NDUFB8: variants seen among roughly 807,000 people sequenced by gnomAD.
NDUFB8 encodes NADH dehydrogenase [ubiquinone] 1 beta subcomplex subunit 8, mitochondrial.
A neutral mutation model predicts 26.0 loss-of-function variants in NDUFB8; 17 were observed. That is an observed-to-expected ratio of 0.65 (90% CI 0.45 to 0.98). The LOEUF is 0.98. NDUFB8 is among the 50% of genes least tolerant of loss of function. The probability of loss-of-function intolerance (pLI) is 0.00; values close to 1 mark genes in which losing one functional copy is unlikely to be tolerated. For missense variants in NDUFB8, 238 were observed against 255.0 expected, an observed-to-expected ratio of 0.93 and a Z score of 0.45; for synonymous variants, 89 against 93.1, an observed-to-expected ratio of 0.96 and a Z score of 0.25.
chr10:100,527,223 T>G, intron 2 of NDUFB8, 149 bp from the exon 3 acceptor site: 1 of 644,196 alleles, frequency 1.6e-6, no homozygotes, highest in South Asian at 1.8e-5. Context: ...GAGCTCAAGT[T>G]CTAGTCACTA....
At position 100,524,275 on chromosome 10, in the gene NDUFB8, C is replaced by T; in HGVS notation, c.469-346G>A. 1.3e-6 allele frequency: 1 copy of T among 753,370 alleles called. No homozygotes were observed. The highest frequency in any genetic ancestry group is 1.7e-5 in the South Asian group (1 of 60,252). 46.7% of individuals were successfully genotyped at this position (753,370 alleles called of 1,614,324 possible). A position where few individuals can be genotyped will look rare whatever the true frequency, so the allele number is the denominator to read the frequency against. ...GCAACACTTTCTAAATGAGACGATG[C>T]ATCCATCCATCCCACTCTCTCTCGG... On this transcript the variant is annotated intron_variant, in intron 4 of 4. Transcript: ENST00000299166. This position sits in a 1 kb window ranked among gnomAD's most constrained non-coding sequence, Gnocchi z 4.0.
chr10:100,526,504 G>A lies in NDUFB8; in HGVS notation c.363C>T (p.Pro121=). Residue 121 remains proline, a synonymous_variant, in exon 4 of 5, where the codon CCC becomes CCT. Coordinates refer to ENST00000299166, the MANE Select transcript of NDUFB8 (RefSeq NM_005004.4). ...ACATGACATGCCAAGAAACAGGTGT[G>A]GGGGATGTATCCACACGGTTCCTGT... ...MYNRNRVDTS[P]TPVSWHVMCM... is the part of the protein sequence containing the mutation. The A allele has an allele frequency of 6.2e-7, 1 of 1,611,120 alleles. No homozygotes were observed. The highest frequency in any genetic ancestry group is 8.5e-7 in the Non-Finnish European group (1 of 1,179,238).
intron 3 of NDUFB8, 31 bp from the exon 4 acceptor site, chr10:100,526,585 A>G: frequency 6.2e-7 from 1 of 1,612,342 alleles, no homozygotes. Context: ...GCTGTCACAT[A>G]CTACTCTTCC....
chr10:100,529,912 C>G, upstream of NDUFB8: 2 of 1,552,972 alleles, frequency 1.3e-6, no homozygotes, highest in Non-Finnish European at 1.8e-6. Flanking sequence ...GCGGCTGAGC[C>G]GGGCCAAACG....
At position 100,524,270 on chromosome 10, in the gene NDUFB8, C is replaced by T. The variant is rs145647709; in HGVS notation, c.469-341G>A. 126 of 787,772 alleles carry T rather than the reference C, an allele frequency of 1.6e-4. No homozygotes were observed. The highest frequency in any genetic ancestry group is 1.3e-3 in the African/African-American group (78 of 58,066). The allele number at this position is 787,772 out of a possible 1,614,324, so 48.8% of individuals were successfully genotyped here. A position where few individuals can be genotyped will look rare whatever the true frequency, so the allele number is the denominator to read the frequency against. On this transcript the variant is annotated intron_variant, in intron 4 of 4. Coordinates refer to ENST00000299166, the MANE Select transcript of NDUFB8 (RefSeq NM_005004.4). The surrounding 1 kb of genome is among the most constrained non-coding windows in gnomAD (Gnocchi z 4.0). ...CAGAGGCAACACTTTCTAAATGAGA[C>T]GATGCATCCATCCATCCCACTCTCT...
At position 100,524,690 on chromosome 10, in the gene NDUFB8, C is replaced by T. The variant is rs899213345; in HGVS notation, c.469-761G>A. The stretch of plus-strand genomic sequence containing the variant: ...ACATTGATTGTCTCTGCAGAGGTAG[C>T]ACTGGGCAGCCAACTGCAAACACAG... On this transcript the variant is annotated intron_variant, in intron 4 of 4. Transcript: ENST00000299166. The surrounding 1 kb of genome is among the most constrained non-coding windows in gnomAD (Gnocchi z 4.0). Among the ~76,000 whole-genome samples, 3 of 152,198 alleles carry T rather than the reference C, an allele frequency of 2.0e-5. No homozygotes were observed. Among genetic ancestry groups the T allele is most frequent in the Admixed American group, 2.0e-4 (3 of 15,282 alleles).
At chr10:100,525,717 CGTGTGTGTGT>C (rs71013460) in intron 4 of NDUFB8, among the ~76,000 whole-genome samples, 837 of 46,010 alleles carry the variant, frequency 0.018, 74 homozygotes, top group African/African-American at 0.071. Context: ...TAAGCACATA[CGTGTGTGTGT>C]GTGTGTGTGT....
rs1852039362 is a variant in NDUFB8 at position 100,525,825 on chromosome 10, CTATACACATA to C, written c.468+564_468+573del. Reference sequence around the variant, plus strand: ...TCATACCACTAAGCACATACATTCACTATACACATATATACACATAGATTGTACAGAATTC... The same window carrying C: ...TCATACCACTAAGCACATACATTCACTATACACATAGATTGTACAGAATTC... On this transcript the variant is annotated intron_variant, in intron 4 of 4. Transcript: ENST00000299166. Among the ~76,000 whole-genome samples the C allele has an allele frequency of 2.6e-5, 4 of 151,190 alleles. No individual in the cohort carries two copies. The South Asian group carries it at 6.3e-4, about 24-fold the overall frequency.
In NDUFB8 at chr10:100,524,570, C is replaced by G. The variant is rs1469216636; in HGVS notation, c.469-641G>C. Among the ~76,000 whole-genome samples, 1 of 152,214 alleles carries G rather than the reference C, an allele frequency of 6.6e-6. No individual in the cohort carries two copies. The highest frequency in any genetic ancestry group is 1.5e-5 in the Non-Finnish European group (1 of 68,038). On this transcript the variant is annotated intron_variant, in intron 4 of 4. Transcript: ENST00000299166. The surrounding 1 kb of genome is among the most constrained non-coding windows in gnomAD (Gnocchi z 4.0). ...GCTCTCCTGAAGTGAAGTTAGTGCTCACCCTAGCCCTACGTGCATTCTCCA... is the reference window on the plus strand; with the variant it reads ...GCTCTCCTGAAGTGAAGTTAGTGCTGACCCTAGCCCTACGTGCATTCTCCA...
rs987397779 is a variant in NDUFB8 at position 100,529,289 on chromosome 10, G to A, written c.212+91C>T. On this transcript the variant is annotated intron_variant, in intron 2 of 4. Coordinates refer to ENST00000299166, the MANE Select transcript of NDUFB8 (RefSeq NM_005004.4). ...CATTGACTCTGAGGGGTCACGAGAAGGTTCGGGAAAAAGGGTCACAGTCAA... is the reference window on the plus strand; with the variant it reads ...CATTGACTCTGAGGGGTCACGAGAAAGTTCGGGAAAAAGGGTCACAGTCAA... 5 of 1,278,070 alleles carry A rather than the reference G, an allele frequency of 3.9e-6. No homozygotes were observed. In the African/African-American group the frequency reaches 8.4e-5, roughly 21 times the overall value. The allele number at this position is 1,278,070 out of a possible 1,614,324, so 79.2% of individuals were successfully genotyped here. A position where few individuals can be genotyped will look rare whatever the true frequency, so the allele number is the denominator to read the frequency against.
rs755087128 is a variant in NDUFB8 at position 100,529,817 on chromosome 10, T to G, written c.35A>C (p.Gln12Pro). 3 of 1,613,832 alleles carry G rather than the reference T, an allele frequency of 1.9e-6. No homozygotes were observed. Among genetic ancestry groups the G allele is most frequent in the Non-Finnish European group, 1.7e-6 (2 of 1,179,970 alleles). Residue 12 changes from glutamine (Q) to proline (P), a missense_variant, in exon 1 of 5, where the codon CAG becomes CCG. Gln to Pro is a moderately conservative substitution (Grantham distance 76, BLOSUM62 -1). Transcript: ENST00000299166. ...GTTCCGGGATGCCCTTTGCAGCCACTGGACTCCCAAGACCCCGGCCCTGGC... is the reference window on the plus strand; with the variant it reads ...GTTCCGGGATGCCCTTTGCAGCCACGGGACTCCCAAGACCCCGGCCCTGGC... The part of the protein sequence containing the change: ...AVARAGVLGV[Q>P]WLQRASRNVM...
Position 100,526,385 on chromosome 10 carries a change from T to A in NDUFB8, c.468+14A>T. On this transcript the variant is annotated intron_variant, in intron 4 of 4. Coordinates refer to ENST00000299166, the MANE Select transcript of NDUFB8 (RefSeq NM_005004.4). ...AAGCAAGCGTGCCTAAGGGAGCACTTCTCGGATACTCACCACAGGCTGGTA... is the reference window on the plus strand; with the variant it reads ...AAGCAAGCGTGCCTAAGGGAGCACTACTCGGATACTCACCACAGGCTGGTA... The A allele has an allele frequency of 6.3e-7, 1 of 1,577,418 alleles. No individual in the cohort carries two copies. Among genetic ancestry groups the A allele is most frequent in the Non-Finnish European group, 8.6e-7 (1 of 1,168,444 alleles).
chr10:100,527,559 C>T (rs1428221831), intron 2 of NDUFB8, among the ~76,000 whole-genome samples: 1 of 152,020 alleles, frequency 6.6e-6, no homozygotes. Context: ...GCCCAGATCG[C>T]ACCATTGCAC....
Position 100,527,067 on chromosome 10 carries a change from CGCCATACCTGAAAGACA to C in NDUFB8, c.213-10_219del. ...GAGCGGTCAGGGAGCTTCGGGTAGT[CGCCATACCTGAAAGACA>C]GCAAGAACTTCTGGAAAGGGCTGTG... On this transcript the variant is annotated splice_acceptor_variant and splice_polypyrimidine_tract_variant and coding_sequence_variant and intron_variant, in exon 3 of 5. Transcript: ENST00000299166. LOFTEE classifies it high-confidence loss of function. 1 of 1,613,908 alleles carries C rather than the reference CGCCATACCTGAAAGACA, an allele frequency of 6.2e-7. No homozygotes were observed. Among genetic ancestry groups the C allele is most frequent in the Non-Finnish European group, 8.5e-7 (1 of 1,179,882 alleles).
At chr10:100,529,358 G>C in intron 2 of NDUFB8, 22 bp downstream of exon 2, 1 of 1,569,216 alleles carries the variant, frequency 6.4e-7, no homozygotes, top group Non-Finnish European at 8.6e-7. Context: ...ACTTGGGTGC[G>C]AGCATACCCT....
upstream of NDUFB8, chr10:100,529,914 G>A (rs1299237912): frequency 1.9e-6 from 3 of 1,548,246 alleles, no homozygotes; most frequent in African/African-American, 4.1e-5. Flanking sequence ...GGCTGAGCCG[G>A]GCCAAACGTG....
Position 100,523,815 on chromosome 10 carries a change from C to T in NDUFB8, c.*22G>A. ...GAATGAGGGAGTCCTAGTTAGAGGA[C>T]CCAAAAGCCCACGAAGCCTCCTCAG... On this transcript the variant is annotated 3_prime_UTR_variant, in exon 5 of 5. Transcript: ENST00000299166. The T allele has an allele frequency of 6.2e-7, 1 of 1,604,874 alleles. No individual in the cohort carries two copies. The highest frequency in any genetic ancestry group is 1.1e-5 in the South Asian group (1 of 90,812).
At chr10:100,528,657 T>C (rs1343519166) in intron 2 of NDUFB8, among the ~76,000 whole-genome samples, 2 of 151,770 alleles carry the variant, frequency 1.3e-5, no homozygotes, top group Non-Finnish European at 2.9e-5. Context: ...GTCCACAACA[T>C]AAGAAAAAAC....
Position 100,524,188 on chromosome 10 carries a change from G to T in NDUFB8, c.469-259C>A. 1 of 1,473,380 alleles carries T rather than the reference G, an allele frequency of 6.8e-7. No homozygotes were observed. The highest frequency in any genetic ancestry group is 1.2e-5 in the South Asian group (1 of 82,920). The allele number at this position is 1,473,380 out of a possible 1,614,324, so 91.3% of individuals were successfully genotyped here. A position where few individuals can be genotyped will look rare whatever the true frequency, so the allele number is the denominator to read the frequency against. ...GGAGGGAAGGGGGTTAGGGAAAGGA[G>T]GGGAAGGGAGGAAGACAGGGAGGGA... On this transcript the variant is annotated intron_variant, in intron 4 of 4. Transcript: ENST00000299166. The surrounding 1 kb of genome is among the most constrained non-coding windows in gnomAD (Gnocchi z 4.0).
Sources: allele counts gnomAD v4.1 joint callset (sites outside exome capture counted in the v4.1 genomes callset), GRCh38; gene constraint gnomAD v4.1.1; non-coding constraint Gnocchi (gnomAD v3.1); transcripts MANE v1.5; gene names NCBI Gene and HGNC (gene_info 2026-07-23, HGNC 2026-07-21).